CNTNAP2: variants seen among roughly 807,000 people sequenced by gnomAD.
CNTNAP2 encodes the protein contactin-associated protein-like 2.
In CNTNAP2, 98 loss-of-function variants were observed where a neutral mutation model predicts 155.2. That is an observed-to-expected ratio of 0.63 (90% CI 0.54 to 0.75). The LOEUF is 0.75. CNTNAP2 is among the 30% of genes least tolerant of loss of function. CNTNAP2 has a pLI of 0.00. For missense variants in CNTNAP2, 1,727 were observed against 1,688.1 expected (o/e 1.02, Z -0.40); for synonymous variants, 651 against 631.2 (o/e 1.03, Z -0.47).
chr7:146,929,713 A>G (rs1796702462), intron 3 of CNTNAP2, among the ~76,000 whole-genome samples: 1 of 152,200 alleles, frequency 6.6e-6, no homozygotes. Flanking sequence ...CAAAAGTATA[A>G]CTAGAATAAC....
chr7:146,877,613 A>ATATGTGTGTGTATGTATG (rs1389326454), intron 3 of CNTNAP2, among the ~76,000 whole-genome samples: 1 of 141,402 alleles, frequency 7.1e-6, no homozygotes, highest in African/African-American at 2.5e-5. Flanking sequence ...TGTATACTAT[A>ATATGTGTGTGTATGTATG]TATGTGTGTG....
At chr7:147,107,835 T>C (rs1213576880) in intron 4 of CNTNAP2, among the ~76,000 whole-genome samples, 1 of 152,156 alleles carries the variant, frequency 6.6e-6, no homozygotes, top group African/African-American at 2.4e-5. Context: ...TTTACGATTT[T>C]GGTCTAAACT....
At chr7:147,461,688 T>C (rs1014734066) in intron 10 of CNTNAP2, among the ~76,000 whole-genome samples, 3 of 152,042 alleles carry the variant, frequency 2.0e-5, no homozygotes, top group Non-Finnish European at 4.4e-5. Context: ...TGACTTACCA[T>C]GTTTTTTGTT....
At chr7:147,277,821 A>C (rs1804933310) in intron 8 of CNTNAP2, among the ~76,000 whole-genome samples, 2 of 151,614 alleles carry the variant, frequency 1.3e-5, no homozygotes. Flanking sequence ...TGGCCACAAT[A>C]ATTTTTCCTT....
At chr7:147,945,468 G>A (rs1342076249) in intron 14 of CNTNAP2, among the ~76,000 whole-genome samples, 1 of 152,130 alleles carries the variant, frequency 6.6e-6, no homozygotes, top group Non-Finnish European at 1.5e-5. Context: ...AAGCAGGAAA[G>A]CGGTAAAGCA....
At chr7:147,753,996 T>C (rs79657351) in intron 13 of CNTNAP2, among the ~76,000 whole-genome samples, 8,059 of 152,210 alleles carry the variant, frequency 0.053, 239 homozygotes, top group South Asian at 0.08. Flanking sequence ...CTGAAAGCAT[T>C]GGCAACCCTG....
chr7:146,820,499 G>A (rs1803259539), intron 2 of CNTNAP2, among the ~76,000 whole-genome samples: 1 of 152,124 alleles, frequency 6.6e-6, no homozygotes, highest in South Asian at 2.1e-4. Flanking sequence ...TTAGTCCTGA[G>A]TTCTAGTTTG....
chr7:147,628,683 A>G (rs186132006), intron 12 of CNTNAP2, among the ~76,000 whole-genome samples: 5 of 152,318 alleles, frequency 3.3e-5, no homozygotes, highest in African/African-American at 1.2e-4. Flanking sequence ...ATAGAATGGC[A>G]GAATGGATAA....
rs1360394970 is a variant in CNTNAP2, at chr7:146,820,731, G to C, written c.209-18980G>C. ...ATTCCTGGGTATCCTTGTTAACTTTGTGTCTCGCTGATCTGTCTAATGTTG... is the reference window on the plus strand; with the variant it reads ...ATTCCTGGGTATCCTTGTTAACTTTCTGTCTCGCTGATCTGTCTAATGTTG... On this transcript the variant is annotated intron_variant, in intron 2 of 23. Coordinates refer to ENST00000361727, the MANE Select transcript of CNTNAP2 (RefSeq NM_014141.6). 3.3e-5 allele frequency among the ~76,000 whole-genome samples: 5 copies of C among 152,168 alleles called. No individual in the cohort carries two copies. The South Asian group carries it at 8.3e-4, about 25-fold the overall frequency.
At chr7:148,288,924 G>C (rs1412277101) in intron 21 of CNTNAP2, among the ~76,000 whole-genome samples, 2 of 80,186 alleles carry the variant, frequency 2.5e-5, no homozygotes, top group African/African-American at 9.8e-5. Context: ...AATTACAACA[G>C]ATTAAAATAT....
At chr7:146,454,441 G>A (rs1796526268) in intron 1 of CNTNAP2, among the ~76,000 whole-genome samples, 1 of 152,028 alleles carries the variant, frequency 6.6e-6, no homozygotes, top group South Asian at 2.1e-4. Flanking sequence ...TCTAGCTGAT[G>A]GTCAACTGAC....
At chr7:146,608,765 T>C (rs1051220405) in intron 1 of CNTNAP2, among the ~76,000 whole-genome samples, 4 of 152,190 alleles carry the variant, frequency 2.6e-5, no homozygotes, top group South Asian at 2.1e-4. Context: ...TCATTTTATA[T>C]GTTCTATCTC....
chr7:146,865,897 A>G (rs1795195107), intron 3 of CNTNAP2, among the ~76,000 whole-genome samples: 1 of 152,152 alleles, frequency 6.6e-6, no homozygotes, highest in Non-Finnish European at 1.5e-5. Context: ...CAGAAACACA[A>G]TGACCCGTTT....
intron 8 of CNTNAP2, among the ~76,000 whole-genome samples, chr7:147,279,070 T>A (rs1003840756): frequency 6.6e-6 from 1 of 151,620 alleles, no homozygotes; most frequent in African/African-American, 2.4e-5. Flanking sequence ...TTCTGAACCC[T>A]ATCTTTATGA....
chr7:146,380,784 CTTTTTTTTTTTTTTT>C (rs56886106), intron 1 of CNTNAP2, among the ~76,000 whole-genome samples: 5 of 38,820 alleles, frequency 1.3e-4, no homozygotes, highest in Middle Eastern at 0.031. Flanking sequence ...TATGCACGTT[CTTTTTTTTTTTTTTT>C]TTTTTTTTTT....
chr7:147,564,492 A>G (rs1365877882), intron 12 of CNTNAP2, among the ~76,000 whole-genome samples: 1 of 152,160 alleles, frequency 6.6e-6, no homozygotes, highest in African/African-American at 2.4e-5. Flanking sequence ...AATATATGAA[A>G]ATATATAATA....
intron 1 of CNTNAP2, among the ~76,000 whole-genome samples, chr7:146,482,514 G>T (rs922626370): frequency 6.6e-6 from 1 of 151,962 alleles, no homozygotes; most frequent in Non-Finnish European, 1.5e-5. Flanking sequence ...GGAGGCCGAG[G>T]CTGGCGGATC....
At chr7:146,644,483 C>G (rs1209508344) in intron 1 of CNTNAP2, among the ~76,000 whole-genome samples, 2 of 152,102 alleles carry the variant, frequency 1.3e-5, no homozygotes, top group African/African-American at 2.4e-5. Flanking sequence ...GTTGAACCAG[C>G]CTTGCATCCC....
chr7:146,889,680 A>G (rs1023414283), intron 3 of CNTNAP2, among the ~76,000 whole-genome samples: 3 of 152,140 alleles, frequency 2.0e-5, no homozygotes, highest in Non-Finnish European at 4.4e-5. Context: ...TCTTCTTGTT[A>G]AAATTACAAT....
Sources: allele counts gnomAD v4.1 joint callset (sites outside exome capture counted in the v4.1 genomes callset), GRCh38; gene constraint gnomAD v4.1.1; transcripts MANE v1.5; gene names NCBI Gene and HGNC (gene_info 2026-07-23, HGNC 2026-07-21).